Variants in RASGRF1 observed in about 807,000 individuals in gnomAD.
RASGRF1 encodes the protein ras-specific guanine nucleotide-releasing factor 1.
Under a neutral mutation model 138.7 loss-of-function variants are expected in RASGRF1, and 40 were observed. The observed-to-expected ratio is 0.29, with a 90% confidence interval of 0.22 to 0.38. The LOEUF is 0.38. RASGRF1 is among the 10% of genes least tolerant of loss of function. The probability of loss-of-function intolerance (pLI) is 1.00; values close to 1 mark genes in which losing one functional copy is unlikely to be tolerated. For synonymous variants in RASGRF1, 614 were observed against 663.2 expected, an observed-to-expected ratio of 0.93 and a Z score of 1.14; for missense variants, 1,108 against 1,650.4, an observed-to-expected ratio of 0.67 and a Z score of 5.69.
At chr15:78,965,161 C>T (rs1410106081) in intron 26 of RASGRF1, among the ~76,000 whole-genome samples, 1 of 152,206 alleles carries the variant, frequency 6.6e-6, no homozygotes. Context: ...ACGGCCAACA[C>T]TGTCAGCAGA....
At position 79,090,499 on chromosome 15, in the gene RASGRF1, G is replaced by C; in HGVS notation, c.-1C>G. The C allele has an allele frequency of 6.2e-7, 1 of 1,610,036 alleles. No individual in the cohort carries two copies. Among genetic ancestry groups the C allele is most frequent in the South Asian group, 1.1e-5 (1 of 91,064 alleles). ...CATTCAGCCGGATCCCCTTCTGCAT[G>C]GTGCTCAGAGGCCAGCGAGACCCCA... is the stretch of plus-strand genomic sequence containing the variant. On this transcript the variant is annotated 5_prime_UTR_variant, in exon 1 of 27. Coordinates refer to ENST00000558480, the MANE Select transcript of RASGRF1 (RefSeq NM_001145648.3).
intron 13 of RASGRF1, among the ~76,000 whole-genome samples, chr15:79,014,487 G>A (rs1299254209): frequency 6.6e-6 from 1 of 152,170 alleles, no homozygotes; most frequent in East Asian, 1.9e-4. Context: ...AATAACTCAG[G>A]GATGGAAAAC....
chr15:78,972,393 C>A (rs2055779700), intron 25 of RASGRF1, among the ~76,000 whole-genome samples: 1 of 151,778 alleles, frequency 6.6e-6, no homozygotes, highest in Non-Finnish European at 1.5e-5. Flanking sequence ...CCACACCCGG[C>A]CTCATGTTTT....
intron 24 of RASGRF1, among the ~76,000 whole-genome samples, chr15:78,975,621 C>G (rs2055856084): frequency 6.6e-6 from 1 of 151,964 alleles, no homozygotes; most frequent in South Asian, 2.1e-4. Context: ...CAATGGTCCT[C>G]CTGCCTCAGC....
Position 79,090,572 on chromosome 15 carries a change from C to A in RASGRF1, c.-74G>T, listed in dbSNP as rs2058042831. On this transcript the variant is annotated 5_prime_UTR_variant, in exon 1 of 27. Transcript: ENST00000558480. The stretch of plus-strand genomic sequence containing the variant: ...AGCAGCCCCCCGTCCGTGCGCGCTG[C>A]GCGCTGCCTCTCTCTGGCGCTCGCT... The A allele has an allele frequency of 1.3e-6, 2 of 1,558,796 alleles. No individual in the cohort carries two copies. Among genetic ancestry groups the A allele is most frequent in the African/African-American group, 1.3e-5 (1 of 74,302 alleles).
intron 22 of RASGRF1, among the ~76,000 whole-genome samples, chr15:78,986,882 T>C (rs1242026391): frequency 6.6e-6 from 1 of 152,200 alleles, no homozygotes; most frequent in Admixed American, 6.5e-5. Flanking sequence ...AAGTAGTACA[T>C]GTATTATACC....
rs779534292 is a variant in RASGRF1 at position 78,980,669 on chromosome 15, G to A, written c.3445C>T (p.Leu1149Phe). The A allele has an allele frequency of 1.2e-6, 2 of 1,605,856 alleles. No individual in the cohort carries two copies. The highest frequency in any genetic ancestry group is 1.7e-6 in the Non-Finnish European group (2 of 1,173,126). The change falls in exon 24 of 27, where the codon CTT (leucine) becomes TTT (phenylalanine). Residue 1149 changes from leucine to phenylalanine, a missense_variant. Leu to Phe is a conservative substitution (Grantham distance 22). Transcript: ENST00000558480. ...TTAAATCTGCCCTCAGATGACACAA[G>A]CTTTTGGAGCTTATCAATCAAAGCT... ...TKALIDKLQK[L>F]VSSEGRFKNL... is the part of the protein sequence containing the mutation.
intron 12 of RASGRF1, 49 bp from the exon 13 acceptor site, chr15:79,015,458 C>G (rs752428565): frequency 6.6e-7 from 1 of 1,506,288 alleles, no homozygotes; most frequent in Non-Finnish European, 9.2e-7. Context: ...ATTCCTGGAC[C>G]CAGGCCCACC....
chr15:79,078,161 G>A (rs1188455886), intron 1 of RASGRF1, among the ~76,000 whole-genome samples: 1 of 129,248 alleles, frequency 7.7e-6, no homozygotes, highest in African/African-American at 2.5e-5. Flanking sequence ...GTGCATGCAT[G>A]TGCGTATGTG....
chr15:79,052,232 C>T (rs982286252), intron 3 of RASGRF1, among the ~76,000 whole-genome samples: 5 of 152,222 alleles, frequency 3.3e-5, no homozygotes, highest in Admixed American at 6.5e-5. Flanking sequence ...ATGGCTCCTG[C>T]TCCACCCTAC....
At chr15:78,977,602 T>C (rs891544155) in intron 24 of RASGRF1, among the ~76,000 whole-genome samples, 11 of 152,178 alleles carry the variant, frequency 7.2e-5, no homozygotes, top group African/African-American at 1.9e-4. Flanking sequence ...GATAAATTGA[T>C]TCTCACCCTG....
At chr15:79,054,303 AG>A (rs1488793677) in intron 3 of RASGRF1, among the ~76,000 whole-genome samples, 1 of 152,148 alleles carries the variant, frequency 6.6e-6, no homozygotes, top group Non-Finnish European at 1.5e-5. Flanking sequence ...GGAAAGGCTG[AG>A]TGACATGAGG....
chr15:78,979,566 A>G (rs577162820), intron 24 of RASGRF1, among the ~76,000 whole-genome samples: 4 of 152,344 alleles, frequency 2.6e-5, no homozygotes, highest in African/African-American at 9.6e-5. Context: ...ACTCAAGGAA[A>G]GGAGGGTTGA....
intron 20 of RASGRF1, 78 bp from the exon 21 acceptor site, chr15:78,991,872 G>C: frequency 1.7e-6 from 2 of 1,177,268 alleles, no homozygotes; most frequent in Non-Finnish European, 2.5e-6. Context: ...TGCCTCTGTG[G>C]GGGTATCTCG....
intron 11 of RASGRF1, 89 bp from the exon 12 acceptor site, chr15:79,017,995 A>G (rs11855004): frequency 0.17 from 249,431 of 1,503,268 alleles, 21,480 homozygotes; most frequent in African/African-American, 0.25. Flanking sequence ...CGTACGTACC[A>G]GTGGAGGCTC....
At position 78,973,831 on chromosome 15, in the gene RASGRF1, G is replaced by A. The variant is rs2055820238; in HGVS notation, c.3495-411C>T. On this transcript the variant is annotated intron_variant, in intron 24 of 26. Transcript: ENST00000558480. The surrounding 1 kb of genome is among the most constrained non-coding windows in gnomAD (Gnocchi z 4.9). ...GGATCCTCCCCCGAATCACCTCCTGGAGGGCTCTGCAGCCCCAGCCCCCCA... is the reference window on the plus strand; with the variant it reads ...GGATCCTCCCCCGAATCACCTCCTGAAGGGCTCTGCAGCCCCAGCCCCCCA... Among the ~76,000 whole-genome samples the A allele has an allele frequency of 6.6e-6, 1 of 151,970 alleles. No individual in the cohort carries two copies. Among genetic ancestry groups the A allele is most frequent in the African/African-American group, 2.4e-5 (1 of 41,338 alleles).
rs964801610 is a variant in RASGRF1 at position 78,960,992 on chromosome 15, G to C, written c.*1152C>G. Reference sequence around the variant, plus strand: ...AAAATGGAAATTTTTTTCCAAACAAGCTGTAAGTTGAAATATTTTAGGACT... The same window carrying C: ...AAAATGGAAATTTTTTTCCAAACAACCTGTAAGTTGAAATATTTTAGGACT... On this transcript the variant is annotated 3_prime_UTR_variant, in exon 27 of 27. Transcript: ENST00000558480. 3.9e-5 allele frequency: 6 copies of C among 152,166 alleles called. No homozygotes were observed. Among genetic ancestry groups the C allele is most frequent in the Admixed American group, 3.3e-4 (5 of 15,270 alleles). 9.4% of individuals were successfully genotyped at this position (152,166 alleles called of 1,614,324 possible).
At chr15:79,049,669 C>G (rs890604131) in intron 3 of RASGRF1, 81 bp from the exon 4 acceptor site, 1 of 1,231,790 alleles carries the variant, frequency 8.1e-7, no homozygotes, top group South Asian at 1.4e-5. Context: ...GTGGCAGGAA[C>G]AGGGTGGCAG....
intron 1 of RASGRF1, among the ~76,000 whole-genome samples, chr15:79,084,795 C>T (rs1441924911): frequency 6.6e-6 from 1 of 152,198 alleles, no homozygotes; most frequent in African/African-American, 2.4e-5. Flanking sequence ...TTCAGCTCTC[C>T]CCTCTCTACT....
Sources: allele counts gnomAD v4.1 joint callset (sites outside exome capture counted in the v4.1 genomes callset), GRCh38; gene constraint gnomAD v4.1.1; non-coding constraint Gnocchi (gnomAD v3.1); transcripts MANE v1.5; gene names NCBI Gene and HGNC (gene_info 2026-07-23, HGNC 2026-07-21).